Variants in ZFYVE28 observed in about 807,000 individuals in gnomAD.
The protein encoded by ZFYVE28 is lateral signaling target protein 2 homolog.
A neutral mutation model predicts 82.1 loss-of-function variants in ZFYVE28; 40 were observed. The observed-to-expected ratio is 0.49, with a 90% CI of 0.38 to 0.63. The LOEUF is 0.63. Ranked by LOEUF, ZFYVE28 falls within the 30% of genes least tolerant of loss-of-function variation. The pLI is 0.00. For synonymous variants in ZFYVE28, 612 were observed against 546.1 expected (o/e 1.12, Z -1.68); for missense variants, 1,321 against 1,242.1 (o/e 1.06, Z -0.96).
intron 6 of ZFYVE28, among the ~76,000 whole-genome samples, chr4:2,327,258 ATAT>A (rs1719984267): frequency 3.7e-3 from 9 of 2,414 alleles, no homozygotes; most frequent in African/African-American, 0.013. Flanking sequence ...TCAAATATAT[ATAT>A]ATATATATAT....
intron 1 of ZFYVE28, among the ~76,000 whole-genome samples, chr4:2,363,910 C>A (rs1187379531): frequency 6.6e-6 from 1 of 152,234 alleles, no homozygotes; most frequent in Non-Finnish European, 1.5e-5. Context: ...CAAGATCCCA[C>A]TTCCAATAAG....
chr4:2,273,947 G>T, intron 9 of ZFYVE28, 115 bp downstream of exon 9: 1 of 1,220,658 alleles, frequency 8.2e-7, no homozygotes, highest in Non-Finnish European at 1.2e-6. Context: ...GGGCAGAGTG[G>T]GCTGCTGTTT....
intron 1 of ZFYVE28, among the ~76,000 whole-genome samples, chr4:2,387,001 T>G (rs1419086423): frequency 6.6e-6 from 1 of 152,086 alleles, no homozygotes; most frequent in Non-Finnish European, 1.5e-5. Flanking sequence ...GGCCCCAGAA[T>G]GGAGATCTCC....
At chr4:2,302,571 C>G (rs555714053) in intron 8 of ZFYVE28, among the ~76,000 whole-genome samples, 32 of 152,370 alleles carry the variant, frequency 2.1e-4, no homozygotes, top group African/African-American at 7.7e-4. Flanking sequence ...AGTCTGGCAG[C>G]TCCTCAAAAT....
chr4:2,358,977 T>G (rs1336138973), intron 1 of ZFYVE28, among the ~76,000 whole-genome samples: 1 of 143,454 alleles, frequency 7.0e-6, no homozygotes, highest in Admixed American at 6.9e-5. Context: ...AATTTTTTCT[T>G]TTTTTTTTTT....
intron 1 of ZFYVE28, among the ~76,000 whole-genome samples, chr4:2,374,613 CAAAAGAAG>C (rs1289985026): frequency 6.6e-6 from 1 of 151,474 alleles, no homozygotes; most frequent in Non-Finnish European, 1.5e-5. Flanking sequence ...GACCCTGTTT[CAAAAGAAG>C]AAAAGAAGAA....
intron 7 of ZFYVE28, among the ~76,000 whole-genome samples, chr4:2,314,991 G>C (rs1374870798): frequency 6.6e-6 from 1 of 152,088 alleles, no homozygotes; most frequent in Admixed American, 6.6e-5. Flanking sequence ...GTCCAGGCTG[G>C]TCTCAAACTC....
At chr4:2,352,640 C>T (rs1411196321) in intron 2 of ZFYVE28, among the ~76,000 whole-genome samples, 1 of 152,108 alleles carries the variant, frequency 6.6e-6, no homozygotes, top group Non-Finnish European at 1.5e-5. Context: ...GGAGCATCCC[C>T]CTCCAGATCC....
intron 7 of ZFYVE28, among the ~76,000 whole-genome samples, chr4:2,314,595 TATAA>T (rs1717940710): frequency 1.3e-5 from 2 of 152,262 alleles, no homozygotes; most frequent in South Asian, 4.1e-4. Flanking sequence ...CACATTCTAA[TATAA>T]ATAATTTATT....
At chr4:2,391,648 C>A (rs1161333594) in intron 1 of ZFYVE28, among the ~76,000 whole-genome samples, 1 of 151,696 alleles carries the variant, frequency 6.6e-6, no homozygotes, top group Non-Finnish European at 1.5e-5. Flanking sequence ...CCTCCCCATT[C>A]CACCTCCCCC....
chr4:2,275,592 T>C (rs1736349724), intron 8 of ZFYVE28, among the ~76,000 whole-genome samples: 1 of 152,242 alleles, frequency 6.6e-6, no homozygotes, highest in Admixed American at 6.5e-5. Context: ...TATTTGGCCG[T>C]GTCTCATGCC....
chr4:2,353,290 A>G (rs1270636503), intron 2 of ZFYVE28, among the ~76,000 whole-genome samples: 2 of 152,190 alleles, frequency 1.3e-5, no homozygotes, highest in African/African-American at 2.4e-5. Context: ...ACACAGTGAT[A>G]GACTCCCCCC....
intron 1 of ZFYVE28, chr4:2,364,367 G>T: frequency 1.1e-6 from 1 of 873,590 alleles, no homozygotes; most frequent in Non-Finnish European, 1.4e-6. Flanking sequence ...GGCCAGCCAG[G>T]CCACTGAACG....
chr4:2,355,250 A>G (rs1725113108), intron 1 of ZFYVE28, among the ~76,000 whole-genome samples: 1 of 20,542 alleles, frequency 4.9e-5, no homozygotes, highest in Non-Finnish European at 8.1e-5. Context: ...ATATATATAT[A>G]TATATATATA....
intron 9 of ZFYVE28, among the ~76,000 whole-genome samples, chr4:2,273,675 C>A (rs1736123908): frequency 6.6e-6 from 1 of 152,166 alleles, no homozygotes; most frequent in Non-Finnish European, 1.5e-5. Flanking sequence ...CACAGCCACT[C>A]AGGCATCCAA....
Position 2,418,221 on chromosome 4 carries a change from G to A in ZFYVE28, c.39+64C>T. The A allele has an allele frequency of 6.8e-7, 1 of 1,471,844 alleles. No homozygotes were observed. The highest frequency in any genetic ancestry group is 9.1e-7 in the Non-Finnish European group (1 of 1,101,920). The allele number at this position is 1,471,844 out of a possible 1,614,324, so 91.2% of individuals were successfully genotyped here. A position where few individuals can be genotyped will look rare whatever the true frequency, so the allele number is the denominator to read the frequency against. ...GGGAGTCCGTCTTGTAGGGCGGACG[G>A]GCGGTCCTGGGGAAGGGAGAGGCCG... is the stretch of plus-strand genomic sequence containing the variant. On this transcript the variant is annotated intron_variant, in intron 1 of 12. Transcript: ENST00000290974. The surrounding 1 kb of genome is among the most constrained non-coding windows in gnomAD (Gnocchi z 4.6).
chr4:2,410,452 TTC>T lies in ZFYVE28; in HGVS notation c.39+7831_39+7832del, dbSNP rs1255238281. ...TGGCTTGTATCAGAACATCCTCCCTTTCTTTTTTTTTTTTTTTTTTCATTTTT... is the reference window on the plus strand; with the variant it reads ...TGGCTTGTATCAGAACATCCTCCCTTTTTTTTTTTTTTTTTTTTCATTTTT... On this transcript the variant is annotated intron_variant, in intron 1 of 12. Transcript: ENST00000290974. Among the ~76,000 whole-genome samples, 746 of 76,932 alleles carry T rather than the reference TTC, an allele frequency of 9.7e-3. 3 individuals carry two copies. The highest frequency in any genetic ancestry group is 0.042 in the African/African-American group (581 of 13,996). The allele number at this position is 76,932 out of a possible 152,430, so 50.5% of individuals were successfully genotyped here.
At chr4:2,279,599 G>A (rs1711656933) in intron 8 of ZFYVE28, among the ~76,000 whole-genome samples, 1 of 152,074 alleles carries the variant, frequency 6.6e-6, no homozygotes, top group African/African-American at 2.4e-5. Flanking sequence ...CTAACACGAT[G>A]AAACCCTGTC....
chr4:2,335,229 A>T lies in ZFYVE28; in HGVS notation c.701+476T>A, dbSNP rs990081598. Among the ~76,000 whole-genome samples, 1 of 151,662 alleles carries T rather than the reference A, an allele frequency of 6.6e-6. No individual in the cohort carries two copies. Among genetic ancestry groups the T allele is most frequent in the Admixed American group, 6.6e-5 (1 of 15,234 alleles). Reference sequence around the variant, plus strand: ...ACTGCCCCCACCTGCCCTTCAACCCAATGTGCTTCACCTCCCTGCCAGCCC... The same window carrying T: ...ACTGCCCCCACCTGCCCTTCAACCCTATGTGCTTCACCTCCCTGCCAGCCC... On this transcript the variant is annotated intron_variant, in intron 6 of 12. Coordinates refer to ENST00000290974, the MANE Select transcript of ZFYVE28 (RefSeq NM_020972.3). The surrounding 1 kb of genome is among the most constrained non-coding windows in gnomAD (Gnocchi z 5.8).
Sources: gnomAD v4.1 joint callset for allele counts (sites outside exome capture counted in the v4.1 genomes callset) on GRCh38, gnomAD v4.1.1 for gene constraint, Gnocchi (gnomAD v3.1) non-coding constraint, MANE v1.5 for transcripts, NCBI Gene and HGNC (gene_info 2026-07-23, HGNC 2026-07-21) for gene names.